ABCC1: variants seen among roughly 807,000 people sequenced by gnomAD.
ABCC1 encodes multidrug resistance-associated protein 1.
ABCC1 carries 83 observed loss-of-function variants against 172.9 expected under a neutral mutation model. The observed-to-expected ratio is 0.48, with a 90% CI of 0.40 to 0.58. The LOEUF (loss-of-function observed/expected upper bound fraction) is 0.58, where lower values mean the gene tolerates loss of function less well. ABCC1 is among the 20% of genes least tolerant of loss of function. ABCC1 has a pLI of 0.00. For missense variants in ABCC1, 1,817 were observed against 2,002.7 expected (o/e 0.91, Z 1.77); for synonymous variants, 937 against 825.2 (o/e 1.14, Z -2.32).
intron 1 of ABCC1, among the ~76,000 whole-genome samples, chr16:15,980,848 C>G (rs1366652621): frequency 6.6e-6 from 1 of 152,194 alleles, no homozygotes; most frequent in African/African-American, 2.4e-5. Context: ...AAAGTCTCAT[C>G]TGAGACAAGG....
chr16:15,968,123 G>T (rs946447069), intron 1 of ABCC1, among the ~76,000 whole-genome samples: 2 of 152,088 alleles, frequency 1.3e-5, no homozygotes, highest in African/African-American at 4.8e-5. Context: ...CACCTCCCAA[G>T]TTCAAGTGAT....
rs749118733 is a variant in ABCC1, at chr16:16,008,006, G to C, written c.225+14G>C. 3 of 644,506 alleles carry C rather than the reference G, an allele frequency of 4.7e-6. No homozygotes were observed. Among genetic ancestry groups the C allele is most frequent in the Non-Finnish European group, 5.1e-6 (2 of 391,454 alleles). 39.9% of individuals were successfully genotyped at this position (644,506 alleles called of 1,614,324 possible). A position where few individuals can be genotyped will look rare whatever the true frequency, so the allele number is the denominator to read the frequency against. ...AAAACCAAAACTGTAAGTCACTGGG[G>C]GGTTTCGTTGTGGGGGGTGGGAAGG... On this transcript the variant is annotated intron_variant, in intron 2 of 30. Coordinates refer to ENST00000399410, the MANE Select transcript of ABCC1 (RefSeq NM_004996.4).
intron 14 of ABCC1, among the ~76,000 whole-genome samples, chr16:16,073,173 T>C (rs2151964150): frequency 6.6e-6 from 1 of 152,262 alleles, no homozygotes; most frequent in South Asian, 2.1e-4. Context: ...TTACTCACCA[T>C]GGTACCCCTG....
intron 21 of ABCC1, among the ~76,000 whole-genome samples, chr16:16,108,200 CA>C (rs1458794134): frequency 6.6e-6 from 1 of 151,796 alleles, no homozygotes; most frequent in Non-Finnish European, 1.5e-5. Context: ...ACATCAAAGC[CA>C]GGGGGCTTGT....
chr16:16,058,882 C>T (rs1475490485), intron 12 of ABCC1, among the ~76,000 whole-genome samples: 3 of 151,854 alleles, frequency 2.0e-5, no homozygotes, highest in Non-Finnish European at 4.4e-5. Flanking sequence ...TCTCGAACTC[C>T]TGACCTCAGG....
chr16:16,063,392 G>A (rs2049992352), intron 12 of ABCC1, among the ~76,000 whole-genome samples: 1 of 152,216 alleles, frequency 6.6e-6, no homozygotes, highest in Non-Finnish European at 1.5e-5. Flanking sequence ...GCAGGTGTGA[G>A]CTACCATGCC....
At chr16:16,054,396 G>A (rs1452521366) in intron 11 of ABCC1, among the ~76,000 whole-genome samples, 3 of 152,144 alleles carry the variant, frequency 2.0e-5, no homozygotes, top group Non-Finnish European at 2.9e-5. Flanking sequence ...GTGCTGTGCC[G>A]TATAGCTTCA....
chr16:16,015,632 C>G (rs2047967112), intron 4 of ABCC1, among the ~76,000 whole-genome samples: 1 of 152,192 alleles, frequency 6.6e-6, no homozygotes. Flanking sequence ...GTATGTGTCA[C>G]GAATAATCTT....
At chr16:16,058,806 A>G (rs1327870273) in intron 12 of ABCC1, among the ~76,000 whole-genome samples, 2 of 152,116 alleles carry the variant, frequency 1.3e-5, no homozygotes, top group African/African-American at 4.8e-5. Flanking sequence ...TGCAGCAACC[A>G]TGCTCAGCTA....
At chr16:15,998,994 T>C (rs112404056) in intron 1 of ABCC1, among the ~76,000 whole-genome samples, 1 of 151,854 alleles carries the variant, frequency 6.6e-6, no homozygotes, top group East Asian at 1.9e-4. Flanking sequence ...TTAAAAAAAT[T>C]AAAAAAAAAT....
chr16:16,036,543 C>G lies in ABCC1; in HGVS notation c.749C>G (p.Ser250Trp). 6.2e-7 allele frequency: 1 copy of G among 1,614,050 alleles called. No homozygotes were observed. The highest frequency in any genetic ancestry group is 8.5e-7 in the Non-Finnish European group (1 of 1,179,934). ...TGGTCCTTAAACAAGGAGGACACGTCGGAACAAGTCGTGCCTGTTTTGGTA... is the reference window on the plus strand; with the variant it reads ...TGGTCCTTAAACAAGGAGGACACGTGGGAACAAGTCGTGCCTGTTTTGGTA... ...DLWSLNKEDT[S>W]EQVVPVLVKN... The change falls in exon 7 of 31, where the codon TCG becomes TGG. Residue 250 changes from serine to tryptophan, a missense_variant. Physicochemically the swap from Ser to Trp is radical, Grantham distance 177. Around this residue, in one of 3 missense-constraint regions of ABCC1, gnomAD observed 398 missense variants for 384.2 expected, o/e 1.04. Coordinates refer to ENST00000399410, the MANE Select transcript of ABCC1 (RefSeq NM_004996.4).
chr16:16,003,635 G>C (rs1476748430), intron 1 of ABCC1, among the ~76,000 whole-genome samples: 1 of 146,896 alleles, frequency 6.8e-6, no homozygotes, highest in Non-Finnish European at 1.5e-5. Flanking sequence ...TGAATTGGTG[G>C]GTGGGTGGAT....
chr16:16,046,827 A>T (rs1023834352), intron 9 of ABCC1, among the ~76,000 whole-genome samples: 2 of 151,294 alleles, frequency 1.3e-5, no homozygotes, highest in African/African-American at 2.4e-5. Flanking sequence ...AGGAAGAGAC[A>T]GTCTTGCAGG....
rs372479818 is a variant in ABCC1 at position 16,044,462 on chromosome 16, G to A, written c.822G>A (p.Lys274=). The part of the protein sequence containing the change: ...ECAKTRKQPV[K]VVYSSKDPAQ... ...CCTTGTGTTCCAGGCAGCCGGTGAAGGTTGTGTACTCCTCCAAGGATCCTG... is the reference window on the plus strand; with the variant it reads ...CCTTGTGTTCCAGGCAGCCGGTGAAAGTTGTGTACTCCTCCAAGGATCCTG... The change falls in exon 8 of 31, where the codon AAG becomes AAA. Residue 274 remains lysine (K), a synonymous_variant. Transcript: ENST00000399410. 361 of 1,614,126 alleles carry A rather than the reference G, an allele frequency of 2.2e-4. 3 individuals carry two copies. In the African/African-American group the frequency reaches 4.2e-3, roughly 19 times the overall value.
At chr16:15,979,668 A>C (rs2046576013) in intron 1 of ABCC1, among the ~76,000 whole-genome samples, 1 of 152,050 alleles carries the variant, frequency 6.6e-6, no homozygotes. Flanking sequence ...TATTTTTTAG[A>C]GATGGGGGTC....
At chr16:16,019,262 C>G (rs1597126696) in intron 5 of ABCC1, among the ~76,000 whole-genome samples, 1 of 152,046 alleles carries the variant, frequency 6.6e-6, no homozygotes, top group East Asian at 1.9e-4. Flanking sequence ...CATCACCATG[C>G]TCGACTAATT....
chr16:16,104,747 C>T (rs12596469), intron 20 of ABCC1, among the ~76,000 whole-genome samples: 65,405 of 151,958 alleles, frequency 0.43, 16,004 homozygotes, highest in Non-Finnish European at 0.56. Context: ...GCTCGGGCCG[C>T]GCAGGAGCCC....
intron 20 of ABCC1, among the ~76,000 whole-genome samples, chr16:16,104,521 G>A (rs2051972254): frequency 6.6e-6 from 1 of 152,216 alleles, no homozygotes; most frequent in Non-Finnish European, 1.5e-5. Context: ...TAGATACAGA[G>A]TGCTGATTGG....
At chr16:16,121,773 T>C (rs1042617989) in intron 23 of ABCC1, among the ~76,000 whole-genome samples, 3 of 152,178 alleles carry the variant, frequency 2.0e-5, no homozygotes, top group African/African-American at 7.2e-5. Context: ...GCGTGAGCTA[T>C]TATTGTCACT....
Sources: gnomAD v4.1 joint callset for allele counts (sites outside exome capture counted in the v4.1 genomes callset) on GRCh38, gnomAD v4.1.1 for gene constraint, gnomAD v4.1.1 regional missense constraint, MANE v1.5 for transcripts, NCBI Gene and HGNC (gene_info 2026-07-23, HGNC 2026-07-21) for gene names.